MOSMO: variants seen among roughly 807,000 people sequenced by gnomAD.
MOSMO encodes the protein modulator of smoothened.
Under a neutral mutation model 18.4 loss-of-function variants are expected in MOSMO, and 5 were observed. The ratio of observed to expected loss-of-function variants is 0.27; its 90% CI spans 0.14 to 0.57. The LOEUF is 0.57. MOSMO is among the 20% of genes least tolerant of loss of function. The pLI is 0.92. For synonymous variants in MOSMO, 82 were observed against 82.3 expected, an observed-to-expected ratio of 1.00 and a Z score of 0.02; for missense variants, 138 against 211.8, an observed-to-expected ratio of 0.65 and a Z score of 2.16.
At chr16:22,049,019 G>T (rs1413950140) in intron 1 of MOSMO, among the ~76,000 whole-genome samples, 1 of 152,002 alleles carries the variant, frequency 6.6e-6, no homozygotes, top group East Asian at 1.9e-4. Context: ...TATATACTGG[G>T]TGGGAGGATA....
chr16:22,077,513 A>G (rs1462676888), intron 2 of MOSMO, among the ~76,000 whole-genome samples: 2 of 152,142 alleles, frequency 1.3e-5, no homozygotes, highest in Non-Finnish European at 2.9e-5. Flanking sequence ...CCTGGAGGCA[A>G]CCATTTTTAC....
chr16:22,055,985 A>G (rs1442060404), intron 1 of MOSMO, among the ~76,000 whole-genome samples: 1 of 152,150 alleles, frequency 6.6e-6, no homozygotes, highest in East Asian at 1.9e-4. Flanking sequence ...GAATAGTACA[A>G]AGCATGCCAA....
chr16:22,016,734 CA>C (rs1258089040), intron 1 of MOSMO, among the ~76,000 whole-genome samples: 1 of 152,174 alleles, frequency 6.6e-6, no homozygotes, highest in African/African-American at 2.4e-5. Flanking sequence ...TGATCTTAGA[CA>C]AGTTGCAGTT....
At position 22,083,744 on chromosome 16, in the gene MOSMO, A is replaced by G; in HGVS notation, c.*2864A>G. On this transcript the variant is annotated 3_prime_UTR_variant, in exon 3 of 3. Coordinates refer to ENST00000542527, the MANE Select transcript of MOSMO (RefSeq NM_001164579.2). Reference sequence around the variant, plus strand: ...CTGCTGAAAACTATTTTTAGGTTTTATTTGCACAAGACTGAATTAGTTTGA... The same window carrying G: ...CTGCTGAAAACTATTTTTAGGTTTTGTTTGCACAAGACTGAATTAGTTTGA... 1 of 450,470 alleles carries G rather than the reference A, an allele frequency of 2.2e-6. No homozygotes were observed. Among genetic ancestry groups the G allele is most frequent in the Non-Finnish European group, 4.4e-6 (1 of 225,488 alleles). 27.9% of individuals were successfully genotyped at this position (450,470 alleles called of 1,614,324 possible). A position where few individuals can be genotyped will look rare whatever the true frequency, so the allele number is the denominator to read the frequency against.
At chr16:22,012,397 A>T (rs1228147037) in intron 1 of MOSMO, among the ~76,000 whole-genome samples, 1 of 152,188 alleles carries the variant, frequency 6.6e-6, no homozygotes, top group Non-Finnish European at 1.5e-5. Context: ...TAATTAACTG[A>T]GTTAACCCAT....
intron 2 of MOSMO, among the ~76,000 whole-genome samples, chr16:22,077,941 A>G (rs559422278): frequency 1.2e-4 from 19 of 152,202 alleles, no homozygotes; most frequent in African/African-American, 3.9e-4. Flanking sequence ...TGAAAAATGT[A>G]CTTTATTATG....
intron 1 of MOSMO, among the ~76,000 whole-genome samples, chr16:22,048,426 T>C (rs570486201): frequency 6.6e-6 from 1 of 152,338 alleles, no homozygotes; most frequent in South Asian, 2.1e-4. Context: ...CTCAACAATG[T>C]GTAAAAGTAT....
intron 2 of MOSMO, among the ~76,000 whole-genome samples, chr16:22,076,841 ACT>A (rs1050933604): frequency 5.3e-5 from 8 of 151,908 alleles, no homozygotes; most frequent in African/African-American, 1.9e-4. Context: ...TATGTTTCTG[ACT>A]CTGTTTATCT....
At chr16:22,030,358 T>G (rs960773640) in intron 1 of MOSMO, among the ~76,000 whole-genome samples, 4 of 152,222 alleles carry the variant, frequency 2.6e-5, no homozygotes, top group African/African-American at 9.6e-5. Context: ...AACAGTCAAG[T>G]TAAAAGTGTA....
intron 2 of MOSMO, chr16:22,076,511 T>C (rs1229533744): frequency 1.3e-5 from 2 of 152,184 alleles, no homozygotes; most frequent in African/African-American, 4.8e-5. Context: ...CAAAGAATTA[T>C]CTGGTTCCAA....
At chr16:22,077,024 G>A (rs1027824135) in intron 2 of MOSMO, among the ~76,000 whole-genome samples, 3 of 152,052 alleles carry the variant, frequency 2.0e-5, no homozygotes, top group African/African-American at 4.8e-5. Flanking sequence ...GAAACAGTGC[G>A]GCTAAAGTTA....
chr16:22,072,100 G>A (rs1390096836), intron 1 of MOSMO, among the ~76,000 whole-genome samples: 2 of 152,148 alleles, frequency 1.3e-5, no homozygotes, highest in African/African-American at 4.8e-5. Flanking sequence ...TAAGTGCATG[G>A]TTGTATGATA....
chr16:22,072,306 C>G (rs1466145211), intron 1 of MOSMO, among the ~76,000 whole-genome samples: 1 of 152,124 alleles, frequency 6.6e-6, no homozygotes, highest in Admixed American at 6.5e-5. Flanking sequence ...GCAAATTCCC[C>G]CAGTCAGCTT....
chr16:22,050,050 CTT>C (rs1250694108), intron 1 of MOSMO, among the ~76,000 whole-genome samples: 2 of 152,194 alleles, frequency 1.3e-5, no homozygotes, highest in African/African-American at 4.8e-5. Flanking sequence ...TCAAAACTGA[CTT>C]TAATTTTGGA....
Position 22,018,912 on chromosome 16 carries a change from C to T in MOSMO, c.106+10505C>T, listed in dbSNP as rs545259752. ...GTGAAATTTCTATTCCAGTCCATTT[C>T]TCTGTATTGCAACTTACTTTATCTT... On this transcript the variant is annotated intron_variant, in intron 1 of 2. Coordinates refer to ENST00000542527, the MANE Select transcript of MOSMO (RefSeq NM_001164579.2). Among the ~76,000 whole-genome samples, 12 of 152,282 alleles carry T rather than the reference C, an allele frequency of 7.9e-5. No individual in the cohort carries two copies. The East Asian group carries it at 2.3e-3, about 29-fold the overall frequency.
intron 1 of MOSMO, among the ~76,000 whole-genome samples, chr16:22,061,851 A>AG (rs200662292): frequency 6.6e-6 from 1 of 152,218 alleles, no homozygotes; most frequent in East Asian, 1.9e-4. Context: ...GCAAAAGCTT[A>AG]GGTAGTGTTT....
intron 1 of MOSMO, among the ~76,000 whole-genome samples, chr16:22,072,159 A>G (rs971091196): frequency 2.0e-5 from 3 of 152,174 alleles, no homozygotes; most frequent in Non-Finnish European, 4.4e-5. Flanking sequence ...GATCTTGACT[A>G]TTAATGTGGG....
intron 1 of MOSMO, among the ~76,000 whole-genome samples, chr16:22,034,744 GTTTTTTTTTTTTTTTTTT>G (rs890874059): frequency 1.8e-5 from 1 of 55,456 alleles, no homozygotes; most frequent in Admixed American, 2.0e-4. Flanking sequence ...GTTTTTTTGG[GTTTTTTTTTTTTTTTTTT>G]TTTTTTTTTT....
chr16:22,017,635 T>C (rs1899667500), intron 1 of MOSMO, among the ~76,000 whole-genome samples: 1 of 152,154 alleles, frequency 6.6e-6, no homozygotes, highest in Non-Finnish European at 1.5e-5. Context: ...TAAAGAGGCT[T>C]AGATAAGAGC....
Sources: allele counts gnomAD v4.1 joint callset (sites outside exome capture counted in the v4.1 genomes callset), GRCh38; gene constraint gnomAD v4.1.1; transcripts MANE v1.5; gene names NCBI Gene and HGNC (gene_info 2026-07-23, HGNC 2026-07-21).